MEI1: variants seen among roughly 807,000 people sequenced by gnomAD.
The protein encoded by MEI1 is meiosis inhibitor protein 1.
MEI1 carries 103 observed loss-of-function variants against 146.2 expected under a neutral mutation model. That is an observed-to-expected ratio of 0.70 (90% CI 0.60 to 0.83). MEI1 has a LOEUF of 0.83. Ranked by LOEUF, MEI1 falls within the 40% of genes least tolerant of loss-of-function variation. The pLI is 0.00. For synonymous variants in MEI1, 652 were observed against 628.2 expected (o/e 1.04, Z -0.57); for missense variants, 1,529 against 1,533.0 (o/e 1.00, Z 0.04).
intron 18 of MEI1, among the ~76,000 whole-genome samples, chr22:41,760,697 G>A (rs2074427043): frequency 6.6e-6 from 1 of 152,192 alleles, no homozygotes; most frequent in Non-Finnish European, 1.5e-5. Flanking sequence ...AGGGCTCACA[G>A]CACTAAAGAT....
intron 11 of MEI1, among the ~76,000 whole-genome samples, chr22:41,739,686 G>T (rs1372148353): frequency 6.6e-6 from 1 of 152,036 alleles, no homozygotes; most frequent in Non-Finnish European, 1.5e-5. Context: ...AACCAACAAG[G>T]TAACAAAAGC....
At chr22:41,739,922 C>T (rs2072712936) in intron 11 of MEI1, among the ~76,000 whole-genome samples, 1 of 152,136 alleles carries the variant, frequency 6.6e-6, no homozygotes, top group Non-Finnish European at 1.5e-5. Context: ...CAGCAGGTTA[C>T]ATGAAGCGGG....
At chr22:41,716,480 G>A (rs569737303) in intron 5 of MEI1, among the ~76,000 whole-genome samples, 1 of 144,196 alleles carries the variant, frequency 6.9e-6, no homozygotes, top group African/African-American at 2.6e-5. Context: ...GGGTTCAAGC[G>A]ATTCTCCTAC....
Position 41,795,657 on chromosome 22 carries a change from CA to C in MEI1, c.3667-77del. 1 of 1,588,690 alleles carries C rather than the reference CA, an allele frequency of 6.3e-7. No homozygotes were observed. The highest frequency in any genetic ancestry group is 8.6e-7 in the Non-Finnish European group (1 of 1,163,848). On this transcript the variant is annotated intron_variant, in intron 29 of 30. Coordinates refer to ENST00000401548, the MANE Select transcript of MEI1 (RefSeq NM_152513.4). This position sits in a 1 kb window ranked among gnomAD's most constrained non-coding sequence, Gnocchi z 4.2. ...ACCAAGGAATGGGAGGAGGGAAGTA[CA>C]GAGGATGGAGGCAGTTAGGGCCTGT...
At chr22:41,765,990 A>G (rs2074828244) in intron 19 of MEI1, among the ~76,000 whole-genome samples, 1 of 142,892 alleles carries the variant, frequency 7.0e-6, no homozygotes, top group African/African-American at 2.6e-5. Flanking sequence ...TCCCGGGTTC[A>G]TACCATTCTC....
chr22:41,761,034 G>C (rs1601989301), intron 18 of MEI1, among the ~76,000 whole-genome samples: 1 of 152,048 alleles, frequency 6.6e-6, no homozygotes, highest in South Asian at 2.1e-4. Flanking sequence ...CTTCCCTCAC[G>C]GGTGCGGTGG....
At position 41,703,444 on chromosome 22, in the gene MEI1, T is replaced by A. The variant is rs1352858428; in HGVS notation, c.288T>A (p.Ser96Arg). Reference sequence around the variant, plus strand: ...AGAGAGTCTGCATCCACTTCATAAGTGTGCTTTTTGGTAAGATTAAGAGGG... The same window carrying A: ...AGAGAGTCTGCATCCACTTCATAAGAGTGCTTTTTGGTAAGATTAAGAGGG... ...QDQRVCIHFISVLFGLLCSME... is the reference protein window; with the variant it reads ...QDQRVCIHFIRVLFGLLCSME... The change falls in exon 2 of 31, where the codon AGT (serine) becomes AGA (arginine). Residue 96 changes from serine to arginine, a missense_variant. Transcript: ENST00000401548. The A allele has an allele frequency of 2.3e-5, 36 of 1,579,540 alleles. No individual in the cohort carries two copies. Among genetic ancestry groups the A allele is most frequent in the Middle Eastern group, 1.7e-4 (1 of 5,996 alleles).
intron 19 of MEI1, 36 bp downstream of exon 19, chr22:41,763,357 G>T: frequency 6.2e-7 from 1 of 1,607,560 alleles, no homozygotes. Flanking sequence ...TTGTCCTTCT[G>T]TACCTCTTTA....
At chr22:41,764,137 T>C (rs1569279790) in intron 19 of MEI1, among the ~76,000 whole-genome samples, 1 of 152,064 alleles carries the variant, frequency 6.6e-6, no homozygotes, top group Non-Finnish European at 1.5e-5. Context: ...ATTTTTTGTA[T>C]TTTTAGTAGA....
At chr22:41,721,576 A>G (rs1355739399) in intron 6 of MEI1, among the ~76,000 whole-genome samples, 3 of 150,184 alleles carry the variant, frequency 2.0e-5, no homozygotes, top group Admixed American at 6.6e-5. Flanking sequence ...TTTTTTTTGT[A>G]GAGTCTGGGT....
chr22:41,779,404 A>G (rs1308038359), intron 22 of MEI1, among the ~76,000 whole-genome samples: 1 of 152,114 alleles, frequency 6.6e-6, no homozygotes, highest in Non-Finnish European at 1.5e-5. Flanking sequence ...GCAGTGAGCT[A>G]TGATCTCACC....
chr22:41,770,955 C>A lies in MEI1; in HGVS notation c.2538C>A (p.Ile846=), dbSNP rs1235477951. ...LLRSIPSILL[I]LLDLIYSSPV... is the part of the protein sequence containing the mutation. ...GAAGCATCCCCAGCATCCTGCTCAT[C>A]TTGCTGGTAGGCAACCACTCATTCA... The change falls in exon 20 of 31, where the codon ATC becomes ATA. Residue 846 remains isoleucine, a synonymous_variant. Coordinates refer to ENST00000401548, the MANE Select transcript of MEI1 (RefSeq NM_152513.4). 6.2e-7 allele frequency: 1 copy of A among 1,612,590 alleles called. No homozygotes were observed.
At position 41,763,272 on chromosome 22, in the gene MEI1, C is replaced by T. The variant is rs1260600941; in HGVS notation, c.2219C>T (p.Ser740Phe). 6.2e-7 allele frequency: 1 copy of T among 1,614,016 alleles called. No individual in the cohort carries two copies. Among genetic ancestry groups the T allele is most frequent in the Non-Finnish European group, 8.5e-7 (1 of 1,179,894 alleles). Reference sequence around the variant, plus strand: ...CCCCCACTGGTGGTCTTCAAAGCCTCCATCTATCTGCTTGCAATCTGCCAG... The same window carrying T: ...CCCCCACTGGTGGTCTTCAAAGCCTTCATCTATCTGCTTGCAATCTGCCAG... ...ERPPLVVFKA[S>F]IYLLAICQDK... is the part of the protein sequence containing the mutation. The change falls in exon 19 of 31, where the codon TCC becomes TTC. Residue 740 changes from serine (S) to phenylalanine (F), a missense_variant. Ser to Phe is a radical substitution (Grantham distance 155, BLOSUM62 -2). Transcript: ENST00000401548.
At chr22:41,767,687 C>A in intron 19 of MEI1, 1 of 441,704 alleles carries the variant, frequency 2.3e-6, no homozygotes, top group Non-Finnish European at 4.7e-6. Context: ...GTGGATTGAC[C>A]ACTTGACATG....
At position 41,794,496 on chromosome 22, in the gene MEI1, T is replaced by G; in HGVS notation, c.3534+19T>G. On this transcript the variant is annotated intron_variant, in intron 28 of 30. Transcript: ENST00000401548. Reference sequence around the variant, plus strand: ...GACCCTGGTAAGTGCAGAAAGGATATCTTGTGGTCTGAGGAGTGTCATGAG... The same window carrying G: ...GACCCTGGTAAGTGCAGAAAGGATAGCTTGTGGTCTGAGGAGTGTCATGAG... The G allele has an allele frequency of 2.5e-6, 4 of 1,601,128 alleles. No homozygotes were observed. The highest frequency in any genetic ancestry group is 1.7e-4 in the Middle Eastern group (1 of 6,012).
intron 11 of MEI1, among the ~76,000 whole-genome samples, chr22:41,741,772 C>T (rs992831896): frequency 2.6e-5 from 4 of 151,866 alleles, no homozygotes; most frequent in Non-Finnish European, 5.9e-5. Context: ...CAAGAAACCC[C>T]GTCTCTACTA....
chr22:41,711,014 A>G (rs1024734936), intron 3 of MEI1, among the ~76,000 whole-genome samples: 2 of 152,132 alleles, frequency 1.3e-5, no homozygotes, highest in African/African-American at 4.8e-5. Flanking sequence ...GTGGATTAGC[A>G]TTCACAAAAT....
intron 11 of MEI1, among the ~76,000 whole-genome samples, chr22:41,736,374 C>T (rs1049152888): frequency 1.1e-4 from 16 of 151,706 alleles, no homozygotes; most frequent in South Asian, 6.3e-4. Flanking sequence ...CTCAGCCTCC[C>T]GAGTGGCTGG....
intron 21 of MEI1, 66 bp from the exon 22 acceptor site, chr22:41,778,642 A>G: frequency 2.4e-6 from 3 of 1,248,716 alleles, no homozygotes; most frequent in Middle Eastern, 1.8e-4. Context: ...GAAGCAGGGC[A>G]GGGTGTCTGA....
Sources: allele counts gnomAD v4.1 joint callset (sites outside exome capture counted in the v4.1 genomes callset), GRCh38; gene constraint gnomAD v4.1.1; non-coding constraint Gnocchi (gnomAD v3.1); transcripts MANE v1.5; gene names NCBI Gene and HGNC (gene_info 2026-07-23, HGNC 2026-07-21).